The following BRINP3 variants were observed in gnomAD, a reference collection of about 807,000 sequenced individuals.
BRINP3 encodes the protein BMP/retinoic acid-inducible neural-specific protein 3.
Under a neutral mutation model 71.0 loss-of-function variants are expected in BRINP3, and 19 were observed. That is an observed-to-expected ratio of 0.27 (90% CI 0.19 to 0.39). The LOEUF (loss-of-function observed/expected upper bound fraction) is 0.39. Among genes scored for constraint, BRINP3 ranks in the 10% least tolerant of loss-of-function variants. The pLI, the probability that BRINP3 is intolerant of heterozygous loss-of-function variation, is 1.00. For missense variants in BRINP3, 959 were observed against 940.8 expected, an observed-to-expected ratio of 1.02 and a Z score of -0.25; for synonymous variants, 380 against 337.7, an observed-to-expected ratio of 1.13 and a Z score of -1.37.
At chr1:190,166,814 C>G (rs1256772677) in intron 6 of BRINP3, among the ~76,000 whole-genome samples, 1 of 152,038 alleles carries the variant, frequency 6.6e-6, no homozygotes, top group Non-Finnish European at 1.5e-5. Context: ...ACCTCCACCC[C>G]CAGGGTTCAA....
At chr1:190,298,854 C>T (rs1664453966) in intron 2 of BRINP3, among the ~76,000 whole-genome samples, 2 of 152,088 alleles carry the variant, frequency 1.3e-5, no homozygotes, top group African/African-American at 4.8e-5. Context: ...CCTCTATATC[C>T]TTGCTGACTT....
Position 190,178,758 on chromosome 1 carries a change from A to G in BRINP3, c.962-17868T>C, listed in dbSNP as rs551467986. Among the ~76,000 whole-genome samples, 5 of 152,264 alleles carry G rather than the reference A, an allele frequency of 3.3e-5. No individual in the cohort carries two copies. In the East Asian group the frequency reaches 9.7e-4, roughly 29 times the overall value. ...CCACTATAGAGATGAAAGGAAACAG[A>G]CTTGCTAAAAAAGAAATATTTAAAA... On this transcript the variant is annotated intron_variant, in intron 6 of 7. Transcript: ENST00000367462.
At chr1:190,194,751 A>G (rs1002630789) in intron 6 of BRINP3, among the ~76,000 whole-genome samples, 3 of 152,224 alleles carry the variant, frequency 2.0e-5, no homozygotes, top group African/African-American at 7.2e-5. Context: ...TGGAGATACT[A>G]ATGAAATTTA....
Position 190,264,978 on chromosome 1 carries a change from T to A in BRINP3, c.505A>T (p.Ser169Cys). ...RAEGSDSTTN[S>C]SSVTLETLHQ... ...AGCGTCTCCAGAGTGACCGAAGAGC[T>A]ATTGGTGGTGGAATCACTTCCTTCA... The change falls in exon 4 of 8, where the codon AGC becomes TGC. Residue 169 changes from serine to cysteine, a missense_variant. Transcript: ENST00000367462. The A allele has an allele frequency of 6.2e-7, 1 of 1,611,116 alleles. No individual in the cohort carries two copies. Among genetic ancestry groups the A allele is most frequent in the Non-Finnish European group, 8.5e-7 (1 of 1,179,026 alleles).
intron 2 of BRINP3, among the ~76,000 whole-genome samples, chr1:190,395,386 A>C (rs1671503088): frequency 6.6e-6 from 1 of 151,682 alleles, no homozygotes; most frequent in African/African-American, 2.4e-5. Flanking sequence ...AACAGGAAAA[A>C]ACTTTCTATT....
chr1:190,463,503 G>C (rs1237637155), intron 1 of BRINP3, among the ~76,000 whole-genome samples: 1 of 151,530 alleles, frequency 6.6e-6, no homozygotes, highest in Non-Finnish European at 1.5e-5. Flanking sequence ...AAGTTTTAAA[G>C]ACATTGCTCT....
chr1:190,240,036 T>A (rs368981829), intron 4 of BRINP3, among the ~76,000 whole-genome samples: 1 of 151,684 alleles, frequency 6.6e-6, no homozygotes, highest in African/African-American at 2.4e-5. Context: ...TAATTGAAGA[T>A]ATATAGATGA....
rs146057987 is a variant in BRINP3, at chr1:190,108,995, C to T, written c.1185-9861G>A. On this transcript the variant is annotated intron_variant, in intron 7 of 7. Transcript: ENST00000367462. The stretch of plus-strand genomic sequence containing the variant: ...CTGTTCAGTTAGCAGGGAGAAGATC[C>T]GTAAGTTTTTTCCTTAGTGTTTCTA... Among the ~76,000 whole-genome samples, 403 of 152,046 alleles carry T rather than the reference C, an allele frequency of 2.7e-3. 2 individuals are homozygous for T. Among genetic ancestry groups the T allele is most frequent in the African/African-American group, 9.4e-3 (388 of 41,480 alleles).
Position 190,422,023 on chromosome 1 carries a change from C to T in BRINP3, c.236+32632G>A, listed in dbSNP as rs557568663. Among the ~76,000 whole-genome samples the T allele has an allele frequency of 3.3e-5, 5 of 151,794 alleles. No individual in the cohort carries two copies. In the East Asian group the frequency reaches 9.7e-4, roughly 29 times the overall value. The stretch of plus-strand genomic sequence containing the variant: ...AGTATAGCTTTCCTGTCCAAGTTTC[C>T]CAGAGTGACACTGGTATTTCATCAG... On this transcript the variant is annotated intron_variant, in intron 2 of 7. Coordinates refer to ENST00000367462, the MANE Select transcript of BRINP3 (RefSeq NM_199051.3).
chr1:190,355,708 T>C (rs916612545), intron 2 of BRINP3, among the ~76,000 whole-genome samples: 10 of 151,954 alleles, frequency 6.6e-5, no homozygotes, highest in Admixed American at 3.3e-4. Flanking sequence ...TATGGGAACA[T>C]TAAGACACAT....
intron 5 of BRINP3, among the ~76,000 whole-genome samples, chr1:190,229,004 T>C (rs1558086842): frequency 6.6e-6 from 1 of 151,964 alleles, no homozygotes; most frequent in Non-Finnish European, 1.5e-5. Context: ...ACTAGTTTGT[T>C]TTCAACCCAC....
intron 7 of BRINP3, among the ~76,000 whole-genome samples, chr1:190,123,398 T>C (rs747735665): frequency 6.6e-6 from 1 of 152,132 alleles, no homozygotes; most frequent in African/African-American, 2.4e-5. Context: ...TGCTGACATC[T>C]ATGAAAAGCA....
chr1:190,110,709 C>T (rs1292652748), intron 7 of BRINP3, among the ~76,000 whole-genome samples: 1 of 152,064 alleles, frequency 6.6e-6, no homozygotes, highest in African/African-American at 2.4e-5. Flanking sequence ...AAACGGGCAA[C>T]TCACCTCAGC....
chr1:190,339,911 T>C lies in BRINP3; in HGVS notation c.237-58161A>G, dbSNP rs190446755. Among the ~76,000 whole-genome samples the C allele has an allele frequency of 3.4e-3, 524 of 152,054 alleles. 4 individuals carry two copies. Among genetic ancestry groups the C allele is most frequent in the African/African-American group, 0.012 (484 of 41,548 alleles). On this transcript the variant is annotated intron_variant, in intron 2 of 7. Transcript: ENST00000367462. ...TGCAAAAGATGTTGATTTATTCTTC[T>C]GTCAAAAGGCATATATTTTCAACTA...
chr1:190,138,518 G>A (rs7524440), intron 7 of BRINP3, among the ~76,000 whole-genome samples: 88,254 of 151,994 alleles, frequency 0.58, 26,450 homozygotes, highest in African/African-American at 0.74. Context: ...CAAGAGAGTC[G>A]TAGGAAAACC....
At chr1:190,419,274 A>G (rs923317377) in intron 2 of BRINP3, among the ~76,000 whole-genome samples, 2 of 152,082 alleles carry the variant, frequency 1.3e-5, no homozygotes, top group Non-Finnish European at 2.9e-5. Flanking sequence ...TGTCATTGCA[A>G]GACACCAATT....
intron 6 of BRINP3, among the ~76,000 whole-genome samples, chr1:190,222,794 GA>G (rs1371239361): frequency 6.6e-6 from 1 of 150,414 alleles, no homozygotes; most frequent in East Asian, 1.9e-4. Context: ...CTTTGTCTAA[GA>G]AAAAAAAGAC....
chr1:190,100,049 G>T (rs558547231), intron 7 of BRINP3, among the ~76,000 whole-genome samples: 3 of 152,188 alleles, frequency 2.0e-5, no homozygotes, highest in South Asian at 4.1e-4. Flanking sequence ...TATGATCATG[G>T]GAAAAGTTGC....
At chr1:190,314,988 T>G (rs1287550565) in intron 2 of BRINP3, among the ~76,000 whole-genome samples, 2 of 152,038 alleles carry the variant, frequency 1.3e-5, no homozygotes, top group African/African-American at 4.8e-5. Context: ...GAAGTTAAAA[T>G]CAGATAAGTG....
Sources: gnomAD v4.1 joint callset for allele counts (sites outside exome capture counted in the v4.1 genomes callset) on GRCh38, gnomAD v4.1.1 for gene constraint, MANE v1.5 for transcripts, NCBI Gene and HGNC (gene_info 2026-07-23, HGNC 2026-07-21) for gene names.